LRRC4C: variants seen among roughly 807,000 people sequenced by gnomAD.
LRRC4C encodes the protein leucine-rich repeat-containing protein 4C.
LRRC4C carries 5 observed loss-of-function variants against 33.6 expected under a neutral mutation model. The ratio of observed to expected loss-of-function variants is 0.15; its 90% CI spans 0.08 to 0.31. LRRC4C has a LOEUF of 0.31. LRRC4C is among the 10% of genes least tolerant of loss of function. The pLI is 1.00. For missense variants in LRRC4C, 560 were observed against 796.7 expected, an observed-to-expected ratio of 0.70 and a Z score of 3.58; for synonymous variants, 329 against 302.0, an observed-to-expected ratio of 1.09 and a Z score of -0.93.
chr11:40,968,672 A>G (rs182721449), intron 1 of LRRC4C, among the ~76,000 whole-genome samples: 2 of 152,248 alleles, frequency 1.3e-5, no homozygotes, highest in East Asian at 3.9e-4. Context: ...TGTTTTATAA[A>G]TGGAACAACA....
chr11:40,992,360 T>C lies in LRRC4C; in HGVS notation c.-495-58637A>G, dbSNP rs545379267. ...TAGAATTACTATCATTATTTTAATA[T>C]AAATTAATAACTTTTTAAATTTCTT... On this transcript the variant is annotated intron_variant, in intron 1 of 6. Transcript: ENST00000528697. Among the ~76,000 whole-genome samples, 359 of 152,008 alleles carry C rather than the reference T, an allele frequency of 2.4e-3. 2 individuals carry two copies. The highest frequency in any genetic ancestry group is 8.3e-3 in the African/African-American group (343 of 41,524).
intron 2 of LRRC4C, among the ~76,000 whole-genome samples, chr11:40,656,674 T>C (rs1302175163): frequency 6.6e-6 from 1 of 152,204 alleles, no homozygotes. Flanking sequence ...TTGTGTACTA[T>C]GTAAACCTAT....
At chr11:40,701,352 C>A (rs574818611) in intron 2 of LRRC4C, among the ~76,000 whole-genome samples, 29 of 152,110 alleles carry the variant, frequency 1.9e-4, no homozygotes, top group Non-Finnish European at 2.4e-4. Context: ...TTCAAAGATG[C>A]ACTACCTTCT....
intron 1 of LRRC4C, among the ~76,000 whole-genome samples, chr11:41,205,722 T>G (rs1418198671): frequency 6.6e-6 from 1 of 152,168 alleles, no homozygotes; most frequent in Non-Finnish European, 1.5e-5. Flanking sequence ...AAGTGATGCT[T>G]GCTATGGACC....
chr11:40,665,323 AAAATATATATATATAT>A (rs1342502176), intron 2 of LRRC4C, among the ~76,000 whole-genome samples: 1 of 10,936 alleles, frequency 9.1e-5, no homozygotes, highest in Non-Finnish European at 1.8e-4. Flanking sequence ...AAAAAAAAAA[AAAATATATATATATAT>A]ATATATATAT....
chr11:40,466,025 CA>C (rs1240918200), intron 3 of LRRC4C, among the ~76,000 whole-genome samples: 1 of 151,980 alleles, frequency 6.6e-6, no homozygotes. Flanking sequence ...CCTAAGTGTC[CA>C]TCAATGGATG....
chr11:40,631,926 T>C (rs2136023831), intron 3 of LRRC4C, among the ~76,000 whole-genome samples: 1 of 152,306 alleles, frequency 6.6e-6, no homozygotes, highest in Admixed American at 6.5e-5. Flanking sequence ...TACTTAAAAC[T>C]ATCAATGAAA....
intron 2 of LRRC4C, among the ~76,000 whole-genome samples, chr11:40,875,570 AG>A (rs1954844899): frequency 6.6e-6 from 1 of 152,100 alleles, no homozygotes; most frequent in African/African-American, 2.4e-5. Flanking sequence ...AATTTATGCA[AG>A]TATTCCAAAA....
intron 2 of LRRC4C, among the ~76,000 whole-genome samples, chr11:40,787,066 T>C (rs12277565): frequency 0.17 from 26,168 of 152,104 alleles, 2,878 homozygotes; most frequent in African/African-American, 0.31. Context: ...AAATAAGTTT[T>C]ACCAGGAGCT....
chr11:40,639,192 CAAAATCAATTCAGCTAATTAGCAA>C (rs1476445661), intron 3 of LRRC4C, among the ~76,000 whole-genome samples: 2 of 151,524 alleles, frequency 1.3e-5, no homozygotes, highest in African/African-American at 2.4e-5. Context: ...TAGTTTCCAT[CAAAATCAATTCAGCTAATTAGCAA>C]ATATAATATC....
chr11:40,277,207 T>C (rs1210841993), intron 4 of LRRC4C, among the ~76,000 whole-genome samples: 1 of 152,134 alleles, frequency 6.6e-6, no homozygotes, highest in Non-Finnish European at 1.5e-5. Flanking sequence ...ACTTTGCAAG[T>C]TCAGTTGCCA....
At chr11:40,690,466 G>A (rs544420532) in intron 2 of LRRC4C, among the ~76,000 whole-genome samples, 4 of 152,116 alleles carry the variant, frequency 2.6e-5, no homozygotes, top group Middle Eastern at 6.8e-3. Context: ...TATCAAAGAC[G>A]CAAAGACAGG....
chr11:41,325,573 T>TGTGTGTG (rs386373678), intron 1 of LRRC4C, among the ~76,000 whole-genome samples: 4 of 98,008 alleles, frequency 4.1e-5, no homozygotes, highest in African/African-American at 1.1e-4. Context: ...ATAGTTTTTT[T>TGTGTGTG]TTTTTGTGTG....
intron 1 of LRRC4C, among the ~76,000 whole-genome samples, chr11:40,978,875 G>A (rs931041463): frequency 1.3e-5 from 2 of 151,542 alleles, no homozygotes; most frequent in East Asian, 1.9e-4. Flanking sequence ...CAAGTGATCC[G>A]CCCACCTCGG....
chr11:41,195,557 A>T (rs1035439779), intron 1 of LRRC4C, among the ~76,000 whole-genome samples: 1 of 151,928 alleles, frequency 6.6e-6, no homozygotes, highest in Non-Finnish European at 1.5e-5. Flanking sequence ...TTCCCCCCCC[A>T]AATTATAAAG....
At chr11:40,336,577 G>A (rs921787591) in intron 3 of LRRC4C, among the ~76,000 whole-genome samples, 2 of 152,096 alleles carry the variant, frequency 1.3e-5, no homozygotes, top group African/African-American at 2.4e-5. Context: ...AAAATTTCAA[G>A]GCTTATCTCT....
At position 40,830,398 on chromosome 11, in the gene LRRC4C, C is replaced by A. The variant is rs550616077; in HGVS notation, c.-407+103237G>T. 2.6e-5 allele frequency among the ~76,000 whole-genome samples: 4 copies of A among 152,138 alleles called. No individual in the cohort carries two copies. In the South Asian group the frequency reaches 8.3e-4, roughly 32 times the overall value. On this transcript the variant is annotated intron_variant, in intron 2 of 6. Coordinates refer to ENST00000528697, the MANE Select transcript of LRRC4C (RefSeq NM_001258419.2). ...ACTGACTGTTCCTGACGTCCAAAGC[C>A]CATCCAACTGCAGACTCTACGCTCC...
At chr11:41,165,483 A>G (rs1427194153) in intron 1 of LRRC4C, among the ~76,000 whole-genome samples, 1 of 152,108 alleles carries the variant, frequency 6.6e-6, no homozygotes, top group Non-Finnish European at 1.5e-5. Context: ...ACACCATCTT[A>G]TTTAATCCTC....
chr11:41,408,297 A>T (rs1687344270), intron 1 of LRRC4C, among the ~76,000 whole-genome samples: 1 of 152,168 alleles, frequency 6.6e-6, no homozygotes, highest in Non-Finnish European at 1.5e-5. Flanking sequence ...GGTTAAAAAG[A>T]TTACAAACTA....
Sources: gnomAD v4.1 joint callset for allele counts (sites outside exome capture counted in the v4.1 genomes callset) on GRCh38, gnomAD v4.1.1 for gene constraint, MANE v1.5 for transcripts, NCBI Gene and HGNC (gene_info 2026-07-23, HGNC 2026-07-21) for gene names.